The following GRIP1 variants were observed in gnomAD, a reference collection of about 807,000 sequenced individuals.
GRIP1 encodes glutamate receptor interacting protein 1, also known as glutamate receptor-interacting protein 1.
A neutral mutation model predicts 129.9 loss-of-function variants in GRIP1; 45 were observed. The observed-to-expected ratio is 0.35, with a 90% CI of 0.27 to 0.44. GRIP1 has a LOEUF of 0.44. GRIP1 is among the 20% of genes least tolerant of loss of function. The pLI, the probability that GRIP1 is intolerant of heterozygous loss-of-function variation, is 1.00. For missense variants in GRIP1, 1,196 were observed against 1,396.8 expected (o/e 0.86, Z 2.29); for synonymous variants, 530 against 520.8 (o/e 1.02, Z -0.24).
chr12:66,885,916 T>C lies in GRIP1; in HGVS notation c.58+183134A>G, dbSNP rs566277518. Among the ~76,000 whole-genome samples, 6 of 152,242 alleles carry C rather than the reference T, an allele frequency of 3.9e-5. No individual in the cohort carries two copies. In the South Asian group the frequency reaches 1.0e-3, roughly 26 times the overall value. ...ATTCAGGTATACAAAAATTAAGCTA[T>C]CATATGTGACTCTAAGTTAAAAATC... On this transcript the variant is annotated intron_variant, in intron 1 of 1. Coordinates refer to the GRIP1 transcript ENST00000643019.
intron 1 of GRIP1, among the ~76,000 whole-genome samples, chr12:66,672,288 A>G (rs1409946864): frequency 6.6e-6 from 1 of 152,166 alleles, no homozygotes; most frequent in Non-Finnish European, 1.5e-5. Context: ...CTATTTAATA[A>G]TGTAGTTGGA....
rs1261430231 is a variant in GRIP1 at position 66,456,252 on chromosome 12, T to C, written c.1133A>G (p.Tyr378Cys). Residue 378 changes from tyrosine to cysteine, a missense_variant, in exon 10 of 25, where the codon TAC (tyrosine) becomes TGC (cysteine). Coordinates refer to ENST00000359742, the MANE Select transcript of GRIP1 (RefSeq NM_001366722.1). ...SLHTNHHYNT[Y>C]HPDHCRVPAL... The stretch of plus-strand genomic sequence containing the variant: ...TGGTACTCTGCAATGGTCAGGGTGG[T>C]ACGTGTTATAGTGATGGTTGGTGTG... The C allele has an allele frequency of 2.3e-6, 3 of 1,289,562 alleles. No individual in the cohort carries two copies. The highest frequency in any genetic ancestry group is 3.0e-6 in the Non-Finnish European group (3 of 988,388). The allele number at this position is 1,289,562 out of a possible 1,614,324, so 79.9% of individuals were successfully genotyped here.
rs71436016 is a variant in GRIP1, at chr12:66,602,848, C to CTTTTT, written c.56-5926_56-5922dup. 3.3e-4 allele frequency among the ~76,000 whole-genome samples: 24 copies of CTTTTT among 71,664 alleles called. 1 individual carries two copies. Among genetic ancestry groups the CTTTTT allele is most frequent in the African/African-American group, 6.1e-4 (13 of 21,164 alleles). 47.0% of individuals were successfully genotyped at this position (71,664 alleles called of 152,430 possible). ...ATTCCTAAAGGGACCAGATCTTTTG[C>CTTTTT]TTTTTTTTTTTTTTTTTTTTTTTTT... On this transcript the variant is annotated intron_variant, in intron 1 of 24. Coordinates refer to ENST00000359742, the MANE Select transcript of GRIP1 (RefSeq NM_001366722.1).
intron 6 of GRIP1, among the ~76,000 whole-genome samples, chr12:66,516,448 A>G (rs2060846882): frequency 6.6e-6 from 1 of 152,120 alleles, no homozygotes; most frequent in Non-Finnish European, 1.5e-5. Flanking sequence ...AGAAAATCAA[A>G]TGGTGGGATT....
At chr12:66,398,021 T>A (rs531372753) in intron 16 of GRIP1, among the ~76,000 whole-genome samples, 1 of 152,298 alleles carries the variant, frequency 6.6e-6, no homozygotes, top group South Asian at 2.1e-4. Context: ...CCAGACCATA[T>A]GGCCCGTCTG....
rs2064073173 is a variant in GRIP1, at chr12:66,596,894, G to T, written c.89C>A (p.Thr30Lys). 1.9e-6 allele frequency: 3 copies of T among 1,613,702 alleles called. No homozygotes were observed. In the East Asian group the frequency reaches 6.7e-5, roughly 36 times the overall value. ...ESPYTKSASQ[T>K]KPPDGALAVR... Reference sequence around the variant, plus strand: ...AGCCAACGCTCCATCAGGCGGCTTTGTCTGGCTGGCGGATTTAGTGTAGGG... The same window carrying T: ...AGCCAACGCTCCATCAGGCGGCTTTTTCTGGCTGGCGGATTTAGTGTAGGG... Residue 30 changes from threonine to lysine, a missense_variant, in exon 2 of 25, where the codon ACA becomes AAA. This residue lies in a region of GRIP1 where 217 missense variants were observed against 224.8 expected (regional missense o/e 0.97). Coordinates refer to ENST00000359742, the MANE Select transcript of GRIP1 (RefSeq NM_001366722.1).
intron 1 of GRIP1, among the ~76,000 whole-genome samples, chr12:66,604,488 G>A (rs553144848): frequency 1.7e-4 from 26 of 152,324 alleles, no homozygotes; most frequent in South Asian, 1.0e-3. Flanking sequence ...GGGCTGGAAT[G>A]TATTCCATAA....
chr12:66,747,379 T>C (rs571582809), intron 1 of GRIP1, among the ~76,000 whole-genome samples: 1 of 152,122 alleles, frequency 6.6e-6, no homozygotes, highest in Admixed American at 6.6e-5. Context: ...GAAAAGAATA[T>C]CTTTCAGCAG....
At chr12:67,040,229 CAA>C (rs3051224) in intron 1 of GRIP1, among the ~76,000 whole-genome samples, 50,679 of 151,036 alleles carry the variant, frequency 0.34, 9,861 homozygotes, top group Middle Eastern at 0.48. Flanking sequence ...ACCCCCCCAG[CAA>C]AGTGTCATGG....
chr12:67,043,281 A>G (rs994004220), intron 1 of GRIP1, among the ~76,000 whole-genome samples: 1 of 152,304 alleles, frequency 6.6e-6, no homozygotes, highest in Middle Eastern at 3.4e-3. Flanking sequence ...GCCTGCTGAT[A>G]GGAGGAATCG....
intron 1 of GRIP1, among the ~76,000 whole-genome samples, chr12:66,885,691 G>A (rs2040554728): frequency 6.6e-6 from 1 of 152,152 alleles, no homozygotes; most frequent in Admixed American, 6.5e-5. Context: ...AGATACAGCT[G>A]GTAAGCCTGC....
chr12:66,673,006 C>T (rs191614720), intron 1 of GRIP1, among the ~76,000 whole-genome samples: 38 of 152,234 alleles, frequency 2.5e-4, no homozygotes, highest in African/African-American at 8.7e-4. Flanking sequence ...TCTATTTCCC[C>T]TACCATAAGG....
intron 1 of GRIP1, among the ~76,000 whole-genome samples, chr12:67,024,653 A>C (rs1373082825): frequency 6.6e-6 from 1 of 152,218 alleles, no homozygotes; most frequent in Non-Finnish European, 1.5e-5. Context: ...AGATAGGAAA[A>C]GTATTACGAC....
In GRIP1 at chr12:67,018,572, G is replaced by C. The variant is rs150269993; in HGVS notation, c.58+50478C>G. Among the ~76,000 whole-genome samples, 21 of 152,244 alleles carry C rather than the reference G, an allele frequency of 1.4e-4. No individual in the cohort carries two copies. In the East Asian group the frequency reaches 4.1e-3, roughly 29 times the overall value. ...AACATCAGCTCTCTGATGGGTTCAA[G>C]AAAAGTTAAGATGTTGGATATTACT... On this transcript the variant is annotated intron_variant, in intron 1 of 1. Coordinates refer to the GRIP1 transcript ENST00000643019.
chr12:66,763,768 C>T lies in GRIP1; in HGVS notation c.-420+40285G>A, dbSNP rs558301005. On this transcript the variant is annotated intron_variant, in intron 1 of 4. Transcript: ENST00000538373. ...TCATCCTGGACAAAGAACTTAAGTACCACCTAAAACCGGATAATAATTATA... is the reference window on the plus strand; with the variant it reads ...TCATCCTGGACAAAGAACTTAAGTATCACCTAAAACCGGATAATAATTATA... Among the ~76,000 whole-genome samples, 58 of 152,260 alleles carry T rather than the reference C, an allele frequency of 3.8e-4. 1 individual carries two copies. Among genetic ancestry groups the T allele is most frequent in the African/African-American group, 1.4e-3 (58 of 41,560 alleles).
intron 1 of GRIP1, among the ~76,000 whole-genome samples, chr12:66,945,251 G>C (rs993945461): frequency 6.6e-6 from 1 of 152,134 alleles, no homozygotes; most frequent in African/African-American, 2.4e-5. Context: ...TTGGCGTACA[G>C]ATTATTTTGT....
intron 2 of GRIP1, among the ~76,000 whole-genome samples, chr12:66,546,948 G>C (rs1407809030): frequency 2.0e-5 from 3 of 152,086 alleles, no homozygotes; most frequent in Non-Finnish European, 4.4e-5. Context: ...CTCTCTGCAA[G>C]ACCTGCTTAA....
chr12:66,961,654 C>T (rs564890848), intron 1 of GRIP1, among the ~76,000 whole-genome samples: 102 of 151,912 alleles, frequency 6.7e-4, no homozygotes, highest in African/African-American at 2.4e-3. Flanking sequence ...TTGGGAATAC[C>T]CTTGGCCCCA....
intron 1 of GRIP1, among the ~76,000 whole-genome samples, chr12:66,962,466 C>T (rs1166660090): frequency 2.6e-5 from 4 of 152,042 alleles, no homozygotes; most frequent in Admixed American, 2.6e-4. Context: ...TGTCTTATTG[C>T]TAAACAGTGC....
Sources: gnomAD v4.1 joint callset for allele counts (sites outside exome capture counted in the v4.1 genomes callset) on GRCh38, gnomAD v4.1.1 for gene constraint, gnomAD v4.1.1 regional missense constraint, MANE v1.5 for transcripts, NCBI Gene and HGNC (gene_info 2026-07-23, HGNC 2026-07-21) for gene names.